Variants in TASOR2 observed in about 807,000 individuals in gnomAD.
The protein encoded by TASOR2 is protein TASOR 2.
A neutral mutation model predicts 199.5 loss-of-function variants in TASOR2; 84 were observed. That is an observed-to-expected ratio of 0.42 (90% CI 0.35 to 0.50). The LOEUF (loss-of-function observed/expected upper bound fraction) is 0.50. Among genes scored for constraint, TASOR2 ranks in the 20% least tolerant of loss-of-function variants. TASOR2 has a pLI of 0.02. For synonymous variants in TASOR2, 1,103 were observed against 1,046.6 expected (o/e 1.05, Z -1.04); for missense variants, 2,796 against 2,835.9 (o/e 0.99, Z 0.32).
In TASOR2 at chr10:5,736,115, A is replaced by G. The variant is rs143805532; in HGVS notation, c.1447+569A>G. On this transcript the variant is annotated intron_variant, in intron 12 of 20. Transcript: ENST00000328090. ...CACCATGCTCAGCTAATTTTTTTGT[A>G]TTTTTTTACAGAGACCAGGTTTTGG... 3.9e-5 allele frequency among the ~76,000 whole-genome samples: 6 copies of G among 152,020 alleles called. No homozygotes were observed. In the East Asian group the frequency reaches 9.7e-4, roughly 25 times the overall value.
At chr10:5,739,058 A>T (rs1414447530) in intron 12 of TASOR2, among the ~76,000 whole-genome samples, 9 of 152,244 alleles carry the variant, frequency 5.9e-5, no homozygotes, top group Non-Finnish European at 1.0e-4. Context: ...TATTTCTATC[A>T]CATCATGTAA....
At position 5,742,024 on chromosome 10, in the gene TASOR2, T is replaced by TG; in HGVS notation, c.2328-72dup. On this transcript the variant is annotated intron_variant, in intron 13 of 20. Transcript: ENST00000328090. The surrounding 1 kb of genome is among the most constrained non-coding windows in gnomAD (Gnocchi z 4.2). ...AAAACTAAGGAATATTGGAGGCACT[T>TG]GCTTATGATAAGGTAATCAACTAAA... The TG allele has an allele frequency of 2.1e-6, 3 of 1,432,212 alleles. No individual in the cohort carries two copies. The South Asian group carries it at 3.8e-5, about 18-fold the overall frequency. 88.7% of individuals were successfully genotyped at this position (1,432,212 alleles called of 1,614,324 possible).
intron 17 of TASOR2, among the ~76,000 whole-genome samples, chr10:5,758,441 G>A (rs1217283140): frequency 6.6e-6 from 1 of 152,138 alleles, no homozygotes; most frequent in Non-Finnish European, 1.5e-5. Flanking sequence ...AGGAGACTAA[G>A]GATGGAGGAT....
intron 19 of TASOR2, 53 bp downstream of exon 20, chr10:5,761,524 G>A (rs2131667106): frequency 1.3e-6 from 2 of 1,514,788 alleles, no homozygotes. Context: ...TCAGCTCTAG[G>A]AATGTCAAAG....
rs1482204209 is a variant in TASOR2, at chr10:5,701,394, A to G, written c.-287-11429A>G. ...GTAAATTTTGAAGTCAGGTAGTGTG[A>G]TGCCTCCAGCTTTGTTGTTTTTGCT... On this transcript the variant is annotated intron_variant, in intron 1 of 20. Transcript: ENST00000328090. The surrounding 1 kb of genome is among the most constrained non-coding windows in gnomAD (Gnocchi z 4.9). Among the ~76,000 whole-genome samples the G allele has an allele frequency of 1.3e-5, 2 of 152,184 alleles. No individual in the cohort carries two copies. The highest frequency in any genetic ancestry group is 1.3e-4 in the Admixed American group (2 of 15,278).
At chr10:5,693,171 C>T (rs1314867424) in intron 1 of TASOR2, among the ~76,000 whole-genome samples, 4 of 152,154 alleles carry the variant, frequency 2.6e-5, no homozygotes, top group Admixed American at 2.6e-4. Context: ...TGTATGGTAC[C>T]CGAAGGCTTA....
In TASOR2 at chr10:5,705,999, GTTATAGTTT is replaced by G. The variant is rs138055716; in HGVS notation, c.-287-6819_-287-6811del. On this transcript the variant is annotated intron_variant, in intron 1 of 20. Transcript: ENST00000328090. ...TAAATTTTATAATTTTAGCCAAATAGTTATAGTTTTTATGTTTAGGTCTGTGATTCATTT... is the reference window on the plus strand; with the variant it reads ...TAAATTTTATAATTTTAGCCAAATAGTTATGTTTAGGTCTGTGATTCATTT... Among the ~76,000 whole-genome samples, 375 of 152,140 alleles carry G rather than the reference GTTATAGTTT, an allele frequency of 2.5e-3. 8 individuals carry two copies. The East Asian group carries it at 0.045, about 18-fold the overall frequency.
intron 16 of TASOR2, 69 bp from the exon 18 acceptor site, chr10:5,757,451 G>GC: frequency 6.9e-7 from 1 of 1,448,996 alleles, no homozygotes; most frequent in Non-Finnish European, 9.3e-7. Context: ...GGATAGAAAA[G>GC]CAAGGGAGTG....
At chr10:5,723,992 A>G (rs566881443) in intron 7 of TASOR2, among the ~76,000 whole-genome samples, 1 of 152,346 alleles carries the variant, frequency 6.6e-6, no homozygotes, top group South Asian at 2.1e-4. Context: ...GACAAAGGCT[A>G]GCTTTAATAT....
At position 5,685,030 on chromosome 10, in the gene TASOR2, G is replaced by A; in HGVS notation, c.-433G>A. ...CGTGCCCCTGAGGGGGGTCCCCGCG[G>A]GAGCGCGGAGCCGGCGACTGGTGCT... On this transcript the variant is annotated 5_prime_UTR_variant, in exon 1 of 21. Transcript: ENST00000328090. This position sits in a 1 kb window ranked among gnomAD's most constrained non-coding sequence, Gnocchi z 5.4. 2.5e-6 allele frequency: 1 copy of A among 397,798 alleles called. No individual in the cohort carries two copies. The highest frequency in any genetic ancestry group is 4.4e-6 in the Non-Finnish European group (1 of 225,460). 24.6% of individuals were successfully genotyped at this position (397,798 alleles called of 1,614,324 possible). A position where few individuals can be genotyped will look rare whatever the true frequency, so the allele number is the denominator to read the frequency against.
intron 1 of TASOR2, among the ~76,000 whole-genome samples, chr10:5,686,102 G>C (rs770332069): frequency 6.6e-6 from 1 of 152,156 alleles, no homozygotes; most frequent in Non-Finnish European, 1.5e-5. Context: ...TTATAGGAAT[G>C]GGTGACTGTA....
chr10:5,758,278 C>T (rs1839258685), intron 17 of TASOR2, among the ~76,000 whole-genome samples: 1 of 152,156 alleles, frequency 6.6e-6, no homozygotes, highest in Non-Finnish European at 1.5e-5. Flanking sequence ...TGTAGGCACA[C>T]GTCTGTAATC....
chr10:5,701,914 T>A lies in TASOR2; in HGVS notation c.-287-10909T>A, dbSNP rs942313189. 1.1e-5 allele frequency among the ~76,000 whole-genome samples: 1 copy of A among 88,370 alleles called. No homozygotes were observed. Among genetic ancestry groups the A allele is most frequent in the East Asian group, 3.2e-4 (1 of 3,150 alleles). The allele number at this position is 88,370 out of a possible 152,430, so 58.0% of individuals were successfully genotyped here. A position where few individuals can be genotyped will look rare whatever the true frequency, so the allele number is the denominator to read the frequency against. On this transcript the variant is annotated intron_variant, in intron 1 of 20. Transcript: ENST00000328090. This position sits in a 1 kb window ranked among gnomAD's most constrained non-coding sequence, Gnocchi z 4.9. The stretch of plus-strand genomic sequence containing the variant: ...TCACGTTATCTGTGAACAGGCTTAT[T>A]TGACTTCTTCTTTTCTGATTTGGAT...
In TASOR2 at chr10:5,714,910, G is replaced by T. The variant is rs541234439; in HGVS notation, c.-192+1992G>T. Among the ~76,000 whole-genome samples, 31 of 152,232 alleles carry T rather than the reference G, an allele frequency of 2.0e-4. 1 individual carries two copies. Among genetic ancestry groups the T allele is most frequent in the Admixed American group, 1.6e-3 (25 of 15,282 alleles). On this transcript the variant is annotated intron_variant, in intron 2 of 20. Coordinates refer to ENST00000328090, the Ensembl canonical transcript of TASOR2. Reference sequence around the variant, plus strand: ...GGGAAAGGGATCAGAACTAGATTTGGGGCTAGGGTTGTGGGAGTGGGGTGT... The same window carrying T: ...GGGAAAGGGATCAGAACTAGATTTGTGGCTAGGGTTGTGGGAGTGGGGTGT...
At chr10:5,747,117 T>G (rs775453893) in exon 15 of TASOR2, 16 of 1,614,002 alleles carry the variant, frequency 9.9e-6, no homozygotes, top group Admixed American at 1.7e-5. Context: ...ACACATCAGG[T>G]GACTCTTTAG....
intron 14 of TASOR2, among the ~76,000 whole-genome samples, chr10:5,745,341 G>T (rs1005900767): frequency 1.3e-5 from 2 of 152,190 alleles, no homozygotes; most frequent in Admixed American, 1.3e-4. Context: ...AAGGGATGAG[G>T]GGCCTTTGTT....
At position 5,754,451 on chromosome 10, in the gene TASOR2, G is replaced by A. The variant is rs920088268; in HGVS notation, c.6607-2162G>A. Among the ~76,000 whole-genome samples the A allele has an allele frequency of 2.6e-5, 4 of 151,850 alleles. No homozygotes were observed. The highest frequency in any genetic ancestry group is 9.7e-5 in the African/African-American group (4 of 41,410). ...GTCGCCCAGGCTGGAGTGCAGTGGC[G>A]CGATCTCAGCTCACTGCAGCCTCCG... On this transcript the variant is annotated intron_variant, in intron 15 of 20. Transcript: ENST00000328090. The surrounding 1 kb of genome is among the most constrained non-coding windows in gnomAD (Gnocchi z 4.3).
chr10:5,717,027 CAAA>C (rs71388471), intron 2 of TASOR2, among the ~76,000 whole-genome samples: 2,777 of 124,652 alleles, frequency 0.022, 68 homozygotes, highest in African/African-American at 0.061. Flanking sequence ...GCTTACATCT[CAAA>C]AAAAAAAAAA....
rs933999583 is a variant in TASOR2, at chr10:5,746,505, C to A, written c.3084C>A (p.Asn1028Lys). Residue 1028 changes from asparagine (N) to lysine (K), a missense_variant, in exon 15 of 21, where the codon AAC becomes AAA. Asn to Lys is a moderately conservative substitution (Grantham distance 94, BLOSUM62 0). This residue lies in a region of TASOR2 where 1,941 missense variants were observed against 1,924.9 expected (regional missense o/e 1.01). Transcript: ENST00000328090. Reference sequence around the variant, plus strand: ...TTATCCAACATGGCAGCCCCATAAACAATGAATGTCACCCTTCCTTGGAAA... The same window carrying A: ...TTATCCAACATGGCAGCCCCATAAAAAATGAATGTCACCCTTCCTTGGAAA... The A allele has an allele frequency of 5.0e-6, 8 of 1,614,070 alleles. No homozygotes were observed. In the East Asian group the frequency reaches 1.8e-4, roughly 36 times the overall value.
Sources: gnomAD v4.1 joint callset for allele counts (sites outside exome capture counted in the v4.1 genomes callset) on GRCh38, gnomAD v4.1.1 for gene constraint, gnomAD v4.1.1 regional missense constraint, Gnocchi (gnomAD v3.1) non-coding constraint, MANE v1.5 for transcripts, NCBI Gene and HGNC (gene_info 2026-07-23, HGNC 2026-07-21) for gene names.